Variants in TMED3 observed in about 807,000 individuals in gnomAD.
The protein encoded by TMED3 is transmembrane p24 trafficking protein 3, also known as transmembrane emp24 domain-containing protein 3.
A neutral mutation model predicts 15.0 loss-of-function variants in TMED3; 9 were observed. That is an observed-to-expected ratio of 0.60 (90% CI 0.36 to 1.04). The LOEUF (loss-of-function observed/expected upper bound fraction) is 1.04, where lower values mean the gene tolerates loss of function less well. Ranked by LOEUF, TMED3 falls within the 50% of genes least tolerant of loss-of-function variation. TMED3 has a pLI of 0.01. For synonymous variants in TMED3, 117 were observed against 121.4 expected (o/e 0.96, Z 0.24); for missense variants, 267 against 278.9 (o/e 0.96, Z 0.30).
Position 79,321,986 on chromosome 15 carries a change from C to T in TMED3, c.426C>T (p.Ser142=), listed in dbSNP as rs753733285. The T allele has an allele frequency of 2.6e-5, 42 of 1,613,976 alleles. No individual in the cohort carries two copies. The highest frequency in any genetic ancestry group is 3.1e-5 in the Non-Finnish European group (36 of 1,179,944). The change falls in exon 3 of 3, where the codon TCC becomes TCT. Residue 142 remains serine (S), a synonymous_variant. Transcript: ENST00000299705. ...NRVTALTQME[S]ACVTIHEALK... ...TTTCTCTTCCTGCCCAGATGGAGTC[C>T]GCCTGCGTGACCATCCATGAGGCTC...
At chr15:79,412,045 C>T (rs975171158) in exon 3 of TMED3, 6 of 144,720 alleles carry the variant, frequency 4.1e-5, no homozygotes, top group Admixed American at 3.4e-4. Context: ...GGGCCCGCAT[C>T]ACAGCTCCTG....
chr15:79,407,076 G>T (rs1893911787), intron 2 of TMED3, among the ~76,000 whole-genome samples: 1 of 152,164 alleles, frequency 6.6e-6, no homozygotes, highest in Admixed American at 6.5e-5. Flanking sequence ...CACGTGGTGG[G>T]CTCTCTGGTC....
downstream of TMED3, among the ~76,000 whole-genome samples, chr15:79,324,796 A>T (rs1231337450): frequency 1.3e-5 from 2 of 152,176 alleles, no homozygotes; most frequent in African/African-American, 2.4e-5. Flanking sequence ...GGGTGTCAGC[A>T]TTGGCATTTT....
intron 2 of TMED3, among the ~76,000 whole-genome samples, chr15:79,377,871 C>A (rs1893458073): frequency 6.6e-6 from 1 of 152,072 alleles, no homozygotes; most frequent in African/African-American, 2.4e-5. Flanking sequence ...TGGTCTCGAT[C>A]TCCTGACCTC....
At chr15:79,393,435 A>G (rs529447082) in intron 2 of TMED3, among the ~76,000 whole-genome samples, 14 of 152,368 alleles carry the variant, frequency 9.2e-5, no homozygotes, top group Admixed American at 1.3e-4. Flanking sequence ...GGTTTGAAAG[A>G]CATTGTAGAC....
chr15:79,349,098 A>G (rs2058881890), intron 2 of TMED3, among the ~76,000 whole-genome samples: 1 of 152,162 alleles, frequency 6.6e-6, no homozygotes, highest in African/African-American at 2.4e-5. Flanking sequence ...TCTGCCTTCC[A>G]AAGTGCTGGG....
chr15:79,356,946 C>T (rs180832978), intron 2 of TMED3, among the ~76,000 whole-genome samples: 46 of 152,220 alleles, frequency 3.0e-4, no homozygotes, highest in African/African-American at 1.1e-3. Context: ...CAGACATAGA[C>T]AAGTGTGCTT....
intron 2 of TMED3, among the ~76,000 whole-genome samples, chr15:79,328,839 G>C (rs1175363361): frequency 1.3e-5 from 2 of 152,336 alleles, no homozygotes; most frequent in African/African-American, 2.4e-5. Flanking sequence ...AGAGCACTGA[G>C]AAGCAAAGTT....
chr15:79,410,478 A>T (rs1893961542), intron 2 of TMED3, among the ~76,000 whole-genome samples: 1 of 152,176 alleles, frequency 6.6e-6, no homozygotes. Flanking sequence ...CACAACTATC[A>T]CAAAGGCAGC....
At chr15:79,336,915 TATAATA>T (rs2058829354) in intron 2 of TMED3, among the ~76,000 whole-genome samples, 1 of 152,182 alleles carries the variant, frequency 6.6e-6, no homozygotes, top group Non-Finnish European at 1.5e-5. Context: ...TCAAAGTAGT[TATAATA>T]ATAACAGACA....
chr15:79,338,568 G>T (rs570896626), intron 2 of TMED3, among the ~76,000 whole-genome samples: 2 of 152,152 alleles, frequency 1.3e-5, no homozygotes, highest in Middle Eastern at 3.2e-3. Flanking sequence ...AATAAGAATA[G>T]TTATACCAGA....
intron 2 of TMED3, among the ~76,000 whole-genome samples, chr15:79,396,375 T>G (rs1022819973): frequency 1.3e-5 from 2 of 152,230 alleles, no homozygotes; most frequent in Non-Finnish European, 2.9e-5. Context: ...TCATCTTGAA[T>G]GGCTAAGCCT....
At chr15:79,355,703 C>T (rs116755456) in intron 2 of TMED3, among the ~76,000 whole-genome samples, 175 of 152,262 alleles carry the variant, frequency 1.1e-3, no homozygotes, top group African/African-American at 4.1e-3. Context: ...AGACTAGTCT[C>T]GGGATCTGGG....
chr15:79,390,571 C>T (rs1893683044), intron 2 of TMED3, among the ~76,000 whole-genome samples: 1 of 151,928 alleles, frequency 6.6e-6, no homozygotes, highest in South Asian at 2.1e-4. Context: ...AAGTCCTTTC[C>T]TGGTTTGGCA....
chr15:79,358,124 A>T (rs946931077), intron 2 of TMED3, among the ~76,000 whole-genome samples: 2 of 152,148 alleles, frequency 1.3e-5, no homozygotes, highest in Admixed American at 1.3e-4. Context: ...CAGAGTATGG[A>T]GGTCAGTCCT....
chr15:79,329,156 T>C (rs1044107977), intron 2 of TMED3, among the ~76,000 whole-genome samples: 1 of 152,228 alleles, frequency 6.6e-6, no homozygotes, highest in African/African-American at 2.4e-5. Context: ...GATTTTCTTC[T>C]GTGATTTTCT....
At position 79,311,212 on chromosome 15, in the gene TMED3, G is replaced by A. The variant is rs750720389; in HGVS notation, c.-38G>A. ...CGCCCCAGCCCGCCGGGGGCGCAGC[G>A]CCCGAGCCGCGGCCCTCGAGACGGG... On this transcript the variant is annotated 5_prime_UTR_variant, in exon 1 of 3. Transcript: ENST00000299705. The A allele has an allele frequency of 1.9e-6, 3 of 1,557,390 alleles. No individual in the cohort carries two copies. Among genetic ancestry groups the A allele is most frequent in the Admixed American group, 3.6e-5 (2 of 55,130 alleles).
chr15:79,358,881 C>T lies in TMED3; in HGVS notation c.417+44876C>T, dbSNP rs550856689. 5.9e-5 allele frequency among the ~76,000 whole-genome samples: 9 copies of T among 152,198 alleles called. No individual in the cohort carries two copies. The South Asian group carries it at 1.5e-3, about 25-fold the overall frequency. ...TGGTGGATAGCAGGGACAGGAGAGC[C>T]GTGGCCTGGACAGGGTTCCTGATTC... On this transcript the variant is annotated intron_variant, in intron 2 of 2. Transcript: ENST00000424155.
At chr15:79,318,030 C>T (rs773201157) in intron 2 of TMED3, among the ~76,000 whole-genome samples, 16 of 152,184 alleles carry the variant, frequency 1.1e-4, no homozygotes, top group South Asian at 4.1e-4. Context: ...TGCTTCTCCA[C>T]GCATCCCCAT....
Sources: gnomAD v4.1 joint callset for allele counts (sites outside exome capture counted in the v4.1 genomes callset) on GRCh38, gnomAD v4.1.1 for gene constraint, MANE v1.5 for transcripts, NCBI Gene and HGNC (gene_info 2026-07-23, HGNC 2026-07-21) for gene names.